SLC5A4: variants seen among roughly 807,000 people sequenced by gnomAD.
The protein encoded by SLC5A4 is probable glucose sensor protein SLC5A4.
Under a neutral mutation model 70.3 loss-of-function variants are expected in SLC5A4, and 55 were observed. The ratio of observed to expected loss-of-function variants is 0.78; its 90% CI spans 0.63 to 0.98. SLC5A4 has a LOEUF of 0.98. SLC5A4 is among the 50% of genes least tolerant of loss of function. The pLI is 0.00. For synonymous variants in SLC5A4, 268 were observed against 305.7 expected (o/e 0.88, Z 1.29); for missense variants, 735 against 839.2 (o/e 0.88, Z 1.53).
intron 14 of SLC5A4, among the ~76,000 whole-genome samples, chr22:32,219,166 T>G (rs1363321653): frequency 6.6e-6 from 1 of 152,086 alleles, no homozygotes; most frequent in African/African-American, 2.4e-5. Context: ...GTGGGAAAAA[T>G]ACAGAAGTTT....
At chr22:32,272,404 A>G in the SLC5A4 span, 69 of 902,124 alleles carry the variant, frequency 7.6e-5, 2 homozygotes, top group Middle Eastern at 8.2e-3. Context: ...GCTGACGGGC[A>G]TGGCCTTCAT....
the SLC5A4 span, among the ~76,000 whole-genome samples, chr22:32,295,573 T>C: frequency 2.9e-5 from 3 of 102,314 alleles, 1 homozygote; most frequent in African/African-American, 1.1e-4. Context: ...GTCAGATGAG[T>C]AGGTTGTGAA....
At chr22:32,283,392 C>T in the SLC5A4 span, among the ~76,000 whole-genome samples, 3 of 152,356 alleles carry the variant, frequency 2.0e-5, no homozygotes, top group South Asian at 6.2e-4. Context: ...CCTGTCCCTG[C>T]TTCACAATGC....
At chr22:32,309,127 T>G in the SLC5A4 span, among the ~76,000 whole-genome samples, 1 of 151,952 alleles carries the variant, frequency 6.6e-6, no homozygotes, top group African/African-American at 2.4e-5. Context: ...GCTGCTTCTC[T>G]AGGTGCAGGG....
the SLC5A4 span, among the ~76,000 whole-genome samples, chr22:32,334,592 C>T: frequency 6.6e-6 from 1 of 152,318 alleles, no homozygotes; most frequent in Non-Finnish European, 1.5e-5. Context: ...ACCAAGTCCC[C>T]GTGCTTCGCT....
At chr22:32,290,605 G>C in the SLC5A4 span, among the ~76,000 whole-genome samples, 37 of 152,052 alleles carry the variant, frequency 2.4e-4, no homozygotes, top group African/African-American at 8.0e-4. Flanking sequence ...AAATACCTCA[G>C]ACTCGGTAAC....
intron 5 of SLC5A4, 37 bp downstream of exon 5, chr22:32,247,374 C>G: frequency 7.5e-7 from 1 of 1,329,752 alleles, no homozygotes; most frequent in Non-Finnish European, 1.1e-6. Context: ...TCTGACCAAC[C>G]TCTTGAAGCT....
chr22:32,305,736 T>TGTGTGAAG, the SLC5A4 span, among the ~76,000 whole-genome samples: 1 of 129,708 alleles, frequency 7.7e-6, no homozygotes, highest in Admixed American at 9.3e-5. Context: ...TAAAGGTGGT[T>TGTGTGAAG]ACTCTGTCCC....
At chr22:32,279,803 G>T in the SLC5A4 span, among the ~76,000 whole-genome samples, 1 of 152,138 alleles carries the variant, frequency 6.6e-6, no homozygotes, top group Non-Finnish European at 1.5e-5. Flanking sequence ...TCCTCAACAT[G>T]TCTGCCCTCT....
chr22:32,225,849 A>G, intron 11 of SLC5A4, 26 bp from the exon 12 acceptor site: 2 of 1,517,106 alleles, frequency 1.3e-6, no homozygotes, highest in Non-Finnish European at 1.8e-6. Context: ...CATAATTTAA[A>G]CATTAAACAA....
the SLC5A4 span, among the ~76,000 whole-genome samples, chr22:32,334,849 T>C: frequency 2.0e-5 from 3 of 152,186 alleles, no homozygotes; most frequent in African/African-American, 7.2e-5. Context: ...GACAACAGTA[T>C]TGGTCAGAGT....
the SLC5A4 span, among the ~76,000 whole-genome samples, chr22:32,309,585 A>G: frequency 1.4e-3 from 208 of 152,276 alleles, 1 homozygote; most frequent in Non-Finnish European, 2.2e-3. Context: ...GGATGGGGAC[A>G]GTGTTTATCA....
chr22:32,228,335 G>C (rs572046372), intron 11 of SLC5A4, among the ~76,000 whole-genome samples: 20 of 152,062 alleles, frequency 1.3e-4, no homozygotes, highest in African/African-American at 4.1e-4. Context: ...AAGGTCAGGA[G>C]TTTGAGACCA....
At chr22:32,232,806 A>G (rs1925835391) in intron 9 of SLC5A4, 93 bp downstream of exon 9, 2 of 1,468,902 alleles carry the variant, frequency 1.4e-6, no homozygotes, top group African/African-American at 1.4e-5. Flanking sequence ...ACTTCCTTCC[A>G]GAATGGATTT....
rs1569374828 is a variant in SLC5A4, at chr22:32,239,551, TATA to T, written c.478-464_478-462del. Among the ~76,000 whole-genome samples the T allele has an allele frequency of 1.4e-3, 21 of 14,956 alleles. 1 individual carries two copies. Among genetic ancestry groups the T allele is most frequent in the East Asian group, 0.01 (9 of 894 alleles). The allele number at this position is 14,956 out of a possible 152,430, so 9.8% of individuals were successfully genotyped here. ...ATATATATATATATATATATATATA[TATA>T]TATATATATATATATTTATATATAT... On this transcript the variant is annotated intron_variant, in intron 5 of 14. Transcript: ENST00000266086.
At chr22:32,270,165 C>A in the SLC5A4 span, 1 of 643,350 alleles carries the variant, frequency 1.6e-6, no homozygotes, top group East Asian at 3.2e-5. Context: ...CAGCGACGCC[C>A]AGTCGGGCAC....
chr22:32,247,972 C>T (rs1408453371), intron 4 of SLC5A4, among the ~76,000 whole-genome samples: 5 of 152,212 alleles, frequency 3.3e-5, no homozygotes, highest in Admixed American at 2.6e-4. Context: ...ATGCTTCCCC[C>T]TCCATTGCCT....
chr22:32,352,797 T>G, the SLC5A4 span, among the ~76,000 whole-genome samples: 2 of 152,210 alleles, frequency 1.3e-5, no homozygotes, highest in South Asian at 4.1e-4. Flanking sequence ...ACCTGACCAC[T>G]GCACTGCCTG....
intron 5 of SLC5A4, among the ~76,000 whole-genome samples, chr22:32,239,440 A>G (rs557766961): frequency 1.4e-5 from 2 of 141,970 alleles, no homozygotes; most frequent in Admixed American, 7.5e-5. Flanking sequence ...TTAGAAATAT[A>G]TCTTCTCCTT....
Sources: allele counts gnomAD v4.1 joint callset (sites outside exome capture counted in the v4.1 genomes callset), GRCh38; gene constraint gnomAD v4.1.1; transcripts MANE v1.5; gene names NCBI Gene and HGNC (gene_info 2026-07-23, HGNC 2026-07-21).